The following FHIT variants were observed in gnomAD, a reference collection of about 807,000 sequenced individuals.
FHIT encodes bis(5'-adenosyl)-triphosphatase.
A neutral mutation model predicts 17.9 loss-of-function variants in FHIT; 19 were observed. The observed-to-expected ratio is 1.06, with a 90% CI of 0.74 to 1.56. The LOEUF (loss-of-function observed/expected upper bound fraction) is 1.56. Among genes scored for constraint, FHIT ranks in the 40% most tolerant of loss-of-function variants. FHIT has a pLI of 0.00. For synonymous variants in FHIT, 81 were observed against 69.7 expected (o/e 1.16, Z -0.81); for missense variants, 248 against 189.2 (o/e 1.31, Z -1.82).
chr3:60,064,561 T>C (rs1702421933), intron 5 of FHIT, among the ~76,000 whole-genome samples: 1 of 152,168 alleles, frequency 6.6e-6, no homozygotes, highest in African/African-American at 2.4e-5. Context: ...AGACAGAACC[T>C]ACCTACCATG....
chr3:60,221,228 A>G (rs1011056693), intron 5 of FHIT, among the ~76,000 whole-genome samples: 1 of 152,130 alleles, frequency 6.6e-6, no homozygotes, highest in Admixed American at 6.5e-5. Flanking sequence ...ATCAACTAAC[A>G]TGGCATATGT....
intron 5 of FHIT, among the ~76,000 whole-genome samples, chr3:60,119,503 C>A (rs1160115053): frequency 6.6e-6 from 1 of 152,108 alleles, no homozygotes; most frequent in Non-Finnish European, 1.5e-5. Flanking sequence ...GGTGTACTTA[C>A]AACTAACAGC....
intron 4 of FHIT, among the ~76,000 whole-genome samples, chr3:60,552,693 C>T (rs377277857): frequency 1.3e-5 from 2 of 152,200 alleles, no homozygotes; most frequent in East Asian, 1.9e-4. Flanking sequence ...TACCTACTCC[C>T]TCTTCTGCTC....
chr3:59,760,252 GGATGTTT>G (rs1553664000), intron 8 of FHIT, among the ~76,000 whole-genome samples: 2 of 152,022 alleles, frequency 1.3e-5, no homozygotes, highest in Non-Finnish European at 2.9e-5. Context: ...ATAGAGTGTT[GGATGTTT>G]AAGAATTTGT....
At chr3:60,057,986 T>C (rs1702147635) in intron 5 of FHIT, among the ~76,000 whole-genome samples, 1 of 152,002 alleles carries the variant, frequency 6.6e-6, no homozygotes, top group South Asian at 2.1e-4. Flanking sequence ...CCCTAGTGTT[T>C]TGGTAACAAT....
chr3:60,488,085 C>T (rs937589275), intron 5 of FHIT, among the ~76,000 whole-genome samples: 1 of 152,142 alleles, frequency 6.6e-6, no homozygotes, highest in African/African-American at 2.4e-5. Context: ...CCTGACAAGG[C>T]CCGTGCAGCT....
rs148679647 is a variant in FHIT, at chr3:59,809,462, T to C, written c.349-57141A>G. ...TGAACTGGGAGGGAATGCATTTTGG[T>C]TGTTTTATGCCACTCATGTTGTGCC... On this transcript the variant is annotated intron_variant, in intron 8 of 9. Coordinates refer to ENST00000492590, the MANE Select transcript of FHIT (RefSeq NM_002012.4). Among the ~76,000 whole-genome samples, 527 of 152,318 alleles carry C rather than the reference T, an allele frequency of 3.5e-3. 4 individuals are homozygous for C. Among genetic ancestry groups the C allele is most frequent in the Middle Eastern group, 0.014 (4 of 294 alleles).
chr3:60,377,861 T>G (rs1027148555), intron 5 of FHIT, among the ~76,000 whole-genome samples: 2 of 152,066 alleles, frequency 1.3e-5, no homozygotes, highest in African/African-American at 4.8e-5. Flanking sequence ...GGACACAGGG[T>G]TTAGGGAGGG....
At chr3:60,326,155 G>C (rs997043902) in intron 5 of FHIT, among the ~76,000 whole-genome samples, 2 of 152,046 alleles carry the variant, frequency 1.3e-5, no homozygotes, top group African/African-American at 4.8e-5. Flanking sequence ...AGTGGGGCTG[G>C]CAGGGGGGTG....
At chr3:60,913,800 G>A (rs1441507284) in intron 3 of FHIT, among the ~76,000 whole-genome samples, 1 of 152,130 alleles carries the variant, frequency 6.6e-6, no homozygotes, top group African/African-American at 2.4e-5. Flanking sequence ...GGCTGGCTGG[G>A]CCTCTCTCCA....
chr3:60,000,082 G>A (rs946195820), intron 7 of FHIT, among the ~76,000 whole-genome samples: 1 of 152,212 alleles, frequency 6.6e-6, no homozygotes, highest in African/African-American at 2.4e-5. Context: ...GCTAGAAGCT[G>A]TCAGTTACCT....
intron 4 of FHIT, among the ~76,000 whole-genome samples, chr3:60,757,761 T>C (rs1363954090): frequency 6.6e-6 from 1 of 152,240 alleles, no homozygotes; most frequent in Non-Finnish European, 1.5e-5. Flanking sequence ...AGAAAGCTGT[T>C]GAATGATTCA....
intron 2 of FHIT, among the ~76,000 whole-genome samples, chr3:61,128,507 A>C (rs1334884702): frequency 6.6e-6 from 1 of 152,132 alleles, no homozygotes; most frequent in Non-Finnish European, 1.5e-5. Flanking sequence ...TCAGAGCTGA[A>C]ATGCGCTTCC....
intron 5 of FHIT, among the ~76,000 whole-genome samples, chr3:60,331,397 C>A (rs1477698298): frequency 6.6e-6 from 1 of 152,144 alleles, no homozygotes; most frequent in Non-Finnish European, 1.5e-5. Flanking sequence ...ATCTCTTTCC[C>A]ATCAGACCTT....
At chr3:60,131,016 TACAC>T (rs1257896757) in intron 5 of FHIT, among the ~76,000 whole-genome samples, 2 of 115,444 alleles carry the variant, frequency 1.7e-5, no homozygotes, top group Non-Finnish European at 3.4e-5. Flanking sequence ...TGTGTATATA[TACAC>T]ATATATACAT....
chr3:60,962,010 T>C (rs1709478511), intron 3 of FHIT, among the ~76,000 whole-genome samples: 1 of 152,236 alleles, frequency 6.6e-6, no homozygotes, highest in Non-Finnish European at 1.5e-5. Flanking sequence ...ATCTATAAAT[T>C]GCCTTGGGCA....
chr3:60,490,740 A>G (rs1382129583), intron 5 of FHIT, among the ~76,000 whole-genome samples: 4 of 152,168 alleles, frequency 2.6e-5, no homozygotes, highest in Admixed American at 1.3e-4. Context: ...GGTACTAAAA[A>G]CAGTTGGTAT....
intron 3 of FHIT, among the ~76,000 whole-genome samples, chr3:60,863,639 A>G (rs1553753190): frequency 6.6e-6 from 1 of 152,214 alleles, no homozygotes; most frequent in Non-Finnish European, 1.5e-5. Flanking sequence ...AAAAATATGC[A>G]TACAGTGCCT....
At chr3:60,940,763 T>G (rs1239389338) in intron 3 of FHIT, among the ~76,000 whole-genome samples, 1 of 152,244 alleles carries the variant, frequency 6.6e-6, no homozygotes, top group Non-Finnish European at 1.5e-5. Context: ...AAGTTATGAA[T>G]GGTTTAAAGC....
Sources: allele counts gnomAD v4.1 joint callset (sites outside exome capture counted in the v4.1 genomes callset), GRCh38; gene constraint gnomAD v4.1.1; transcripts MANE v1.5; gene names NCBI Gene and HGNC (gene_info 2026-07-23, HGNC 2026-07-21).